Variants in ABCA4 observed in about 807,000 individuals in gnomAD.
ABCA4 encodes ATP binding cassette subfamily A member 4.
A neutral mutation model predicts 263.7 loss-of-function variants in ABCA4; 196 were observed. The ratio of observed to expected loss-of-function variants is 0.74; its 90% CI spans 0.66 to 0.84. The LOEUF is 0.84. Ranked by LOEUF, ABCA4 falls within the 40% of genes least tolerant of loss-of-function variation. The pLI is 0.00. For missense variants in ABCA4, 2,792 were observed against 2,855.1 expected (o/e 0.98, Z 0.50); for synonymous variants, 1,133 against 1,094.2 (o/e 1.04, Z -0.70).
At chr1:94,032,673 C>G (rs569822032) in intron 26 of ABCA4, among the ~76,000 whole-genome samples, 50 of 152,196 alleles carry the variant, frequency 3.3e-4, no homozygotes, top group African/African-American at 1.2e-3. Flanking sequence ...AACAAAAAAA[C>G]TAAGGTGCTG....
At chr1:94,001,212 C>T in intron 45 of ABCA4, 107 bp from the exon 46 acceptor site, 1 of 839,620 alleles carries the variant, frequency 1.2e-6, no homozygotes, top group South Asian at 1.5e-5. Flanking sequence ...ACAGAAGGCG[C>T]ACACAGTCAC....
At chr1:94,044,814 C>T in intron 19 of ABCA4, 70 bp from the exon 20 acceptor site, 1 of 1,609,970 alleles carries the variant, frequency 6.2e-7, no homozygotes, top group Non-Finnish European at 8.5e-7. Context: ...GCCACCCCCA[C>T]ACCAGGTTCA....
At chr1:94,111,396 G>A (rs1172793985) in intron 3 of ABCA4, 42 bp downstream of exon 3, 1 of 1,609,944 alleles carries the variant, frequency 6.2e-7, no homozygotes, top group Non-Finnish European at 8.5e-7. Flanking sequence ...GTGAAGGGGT[G>A]TGCAACTTCC....
At chr1:94,054,538 G>C (rs982746610) in intron 16 of ABCA4, among the ~76,000 whole-genome samples, 1 of 152,198 alleles carries the variant, frequency 6.6e-6, no homozygotes, top group Non-Finnish European at 1.5e-5. Flanking sequence ...TGCAGGTTGT[G>C]GGGAGAGAAA....
intron 5 of ABCA4, among the ~76,000 whole-genome samples, chr1:94,102,095 G>A (rs1019374389): frequency 3.9e-5 from 6 of 152,164 alleles, no homozygotes; most frequent in Admixed American, 1.3e-4. Flanking sequence ...ATCACCAGAC[G>A]CGCAAGCCTC....
chr1:94,007,632 A>G lies in ABCA4; in HGVS notation c.6005+2T>C. ...CTGAGACAGGAGGAGCAGGATACTC[A>G]CCTCTTGCCTGCTACGGTGGCATCC... is the stretch of plus-strand genomic sequence containing the variant. On this transcript the variant is annotated splice_donor_variant, in intron 43 of 49. Coordinates refer to ENST00000370225, the MANE Select transcript of ABCA4 (RefSeq NM_000350.3). LOFTEE classifies it high-confidence loss of function. 6.2e-7 allele frequency: 1 copy of G among 1,610,072 alleles called. No homozygotes were observed. The highest frequency in any genetic ancestry group is 8.5e-7 in the Non-Finnish European group (1 of 1,176,594).
chr1:94,050,294 A>C (rs1189339396), intron 17 of ABCA4, among the ~76,000 whole-genome samples: 1 of 151,306 alleles, frequency 6.6e-6, no homozygotes, highest in Non-Finnish European at 1.5e-5. Context: ...AATCACTGGA[A>C]TGAGTTCCTG....
At chr1:94,033,237 T>C (rs1349210566) in intron 26 of ABCA4, among the ~76,000 whole-genome samples, 2 of 151,850 alleles carry the variant, frequency 1.3e-5, no homozygotes, top group South Asian at 2.1e-4. Context: ...CTGTACAACA[T>C]AGGGAGACCC....
chr1:94,115,873 A>G (rs1216183834), intron 1 of ABCA4, among the ~76,000 whole-genome samples: 1 of 152,142 alleles, frequency 6.6e-6, no homozygotes, highest in Non-Finnish European at 1.5e-5. Flanking sequence ...AGAACTCCCC[A>G]GTTGCCAACT....
chr1:94,082,694 C>CGTAA (rs1661733689), intron 7 of ABCA4, among the ~76,000 whole-genome samples: 1 of 152,226 alleles, frequency 6.6e-6, no homozygotes, highest in South Asian at 2.1e-4. Flanking sequence ...CCCTCCCTTT[C>CGTAA]GTAACACTCA....
chr1:93,998,998 G>T (rs1348542485), intron 47 of ABCA4, among the ~76,000 whole-genome samples: 2 of 149,586 alleles, frequency 1.3e-5, no homozygotes, highest in Admixed American at 1.3e-4. Flanking sequence ...TGATCCGCCC[G>T]CCTTGGCCTC....
At position 94,062,722 on chromosome 1, in the gene ABCA4, C is replaced by G; in HGVS notation, c.1792G>C (p.Val598Leu). 1.2e-6 allele frequency: 2 copies of G among 1,614,060 alleles called. No individual in the cohort carries two copies. The highest frequency in any genetic ancestry group is 1.7e-6 in the Non-Finnish European group (2 of 1,180,008). ...YWDSGPRADPVEDFRYIWGGF... is the reference protein window; with the variant it reads ...YWDSGPRADPLEDFRYIWGGF... The stretch of plus-strand genomic sequence containing the variant: ...CCCCAGATGTACCGGAAATCTTCCA[C>G]GGGATCAGCTCTGGGACCAGAATCC... The change falls in exon 13 of 50, where the codon GTG becomes CTG. Residue 598 changes from valine to leucine, a missense_variant. Coordinates refer to ENST00000370225, the MANE Select transcript of ABCA4 (RefSeq NM_000350.3).
chr1:94,033,384 G>A (rs1261203136), intron 26 of ABCA4, among the ~76,000 whole-genome samples: 3 of 145,236 alleles, frequency 2.1e-5, no homozygotes, highest in South Asian at 2.1e-4. Flanking sequence ...TGATCGAGCC[G>A]CTGTATTCCA....
At chr1:94,024,484 G>A (rs907079914) in intron 31 of ABCA4, among the ~76,000 whole-genome samples, 3 of 152,172 alleles carry the variant, frequency 2.0e-5, no homozygotes, top group Non-Finnish European at 4.4e-5. Context: ...GCGTGTGCTG[G>A]ACTCAGACAC....
chr1:94,084,845 C>T (rs1661790074), intron 6 of ABCA4, among the ~76,000 whole-genome samples: 1 of 152,126 alleles, frequency 6.6e-6, no homozygotes, highest in South Asian at 2.1e-4. Context: ...TCTGTTTTTT[C>T]CATACAAGGG....
At chr1:94,034,031 C>T (rs1247450079) in intron 26 of ABCA4, among the ~76,000 whole-genome samples, 4 of 152,194 alleles carry the variant, frequency 2.6e-5, no homozygotes, top group Non-Finnish European at 5.9e-5. Flanking sequence ...TATTCAGAAT[C>T]GCCAGTTTGT....
chr1:94,108,648 C>T lies in ABCA4; in HGVS notation c.371G>A (p.Arg124His), dbSNP rs769541140. Residue 124 changes from arginine to histidine, a missense_variant, in exon 4 of 50, where the codon CGT becomes CAT. By Grantham distance (29) the Arg-to-His change is conservative (BLOSUM62 0). Coordinates refer to ENST00000370225, the MANE Select transcript of ABCA4 (RefSeq NM_000350.3). ...CAAGATGTGTAGCTCTGTCCAAATA[C>T]GGCCAAGGTGCTGGCTCTCTGGTGC... ...MNAPESQHLG[R>H]IWTELHILSQ... The T allele has an allele frequency of 1.7e-5, 27 of 1,613,828 alleles. No homozygotes were observed. The highest frequency in any genetic ancestry group is 9.9e-5 in the South Asian group (9 of 91,066).
intron 11 of ABCA4, among the ~76,000 whole-genome samples, chr1:94,071,010 T>C (rs1661384499): frequency 6.6e-6 from 1 of 152,146 alleles, no homozygotes; most frequent in African/African-American, 2.4e-5. Context: ...CTTCTGTAAA[T>C]GGAGGCCATA....
intron 48 of ABCA4, among the ~76,000 whole-genome samples, chr1:93,996,824 G>A (rs1457124496): frequency 6.6e-6 from 1 of 152,180 alleles, no homozygotes; most frequent in Non-Finnish European, 1.5e-5. Context: ...GGAAATTCTG[G>A]CACATGATAC....
Sources: gnomAD v4.1 joint callset for allele counts (sites outside exome capture counted in the v4.1 genomes callset) on GRCh38, gnomAD v4.1.1 for gene constraint, MANE v1.5 for transcripts, NCBI Gene and HGNC (gene_info 2026-07-23, HGNC 2026-07-21) for gene names.